SLC71A2: variants seen among roughly 807,000 people sequenced by gnomAD.
SLC71A2 encodes the protein solute carrier family 71 member 2.
chr9:94,398,379 C>T, the SLC71A2 span, among the ~76,000 whole-genome samples: 3 of 151,818 alleles, frequency 2.0e-5, no homozygotes, highest in Non-Finnish European at 4.4e-5. Context: ...ATCACCAGGC[C>T]AACTCAATAT....
chr9:94,404,716 T>G, the SLC71A2 span, among the ~76,000 whole-genome samples: 1 of 152,356 alleles, frequency 6.6e-6, no homozygotes, highest in South Asian at 2.1e-4. Context: ...TTGAAAAAGT[T>G]TATTATATAT....
the SLC71A2 span, among the ~76,000 whole-genome samples, chr9:94,452,722 T>C: frequency 1.2e-4 from 12 of 99,382 alleles, no homozygotes; most frequent in Non-Finnish European, 2.4e-4. Flanking sequence ...TTCATATATA[T>C]ATAATAGATA....
chr9:94,385,577 C>T, the SLC71A2 span, among the ~76,000 whole-genome samples: 2 of 152,030 alleles, frequency 1.3e-5, no homozygotes, highest in African/African-American at 4.8e-5. Context: ...CAGCTTTACT[C>T]TTTCACATGC....
chr9:94,440,498 C>G, the SLC71A2 span, among the ~76,000 whole-genome samples: 1 of 151,676 alleles, frequency 6.6e-6, no homozygotes, highest in African/African-American at 2.4e-5. Context: ...ACTTTTTGTT[C>G]TATAAGGTTT....
chr9:94,402,222 C>G, the SLC71A2 span, among the ~76,000 whole-genome samples: 1 of 152,196 alleles, frequency 6.6e-6, no homozygotes. Flanking sequence ...TTACCCAGCT[C>G]CTATTCAAGA....
the SLC71A2 span, among the ~76,000 whole-genome samples, chr9:94,412,291 G>C: frequency 1.3e-5 from 2 of 152,180 alleles, no homozygotes; most frequent in Admixed American, 6.5e-5. Flanking sequence ...TTATATGTTA[G>C]AGATAGTTGA....
At chr9:94,441,943 C>T in the SLC71A2 span, among the ~76,000 whole-genome samples, 1 of 152,166 alleles carries the variant, frequency 6.6e-6, no homozygotes, top group African/African-American at 2.4e-5. Context: ...AGGACTCTGC[C>T]AGTTACTTTC....
chr9:94,435,434 T>TA, the SLC71A2 span, among the ~76,000 whole-genome samples: 1 of 152,178 alleles, frequency 6.6e-6, no homozygotes, highest in East Asian at 1.9e-4. Flanking sequence ...ATTCAGCAGT[T>TA]ATGCCTTTTT....
chr9:94,451,719 C>T, the SLC71A2 span, among the ~76,000 whole-genome samples: 1 of 152,212 alleles, frequency 6.6e-6, no homozygotes, highest in African/African-American at 2.4e-5. Flanking sequence ...GAATGTGGTC[C>T]ACAGAACTAT....
the SLC71A2 span, among the ~76,000 whole-genome samples, chr9:94,407,372 T>A: frequency 6.6e-6 from 1 of 151,720 alleles, no homozygotes; most frequent in African/African-American, 2.4e-5. Context: ...AAAATTGGTC[T>A]GTAGTTTTCT....
the SLC71A2 span, among the ~76,000 whole-genome samples, chr9:94,382,965 T>G: frequency 2.0e-5 from 3 of 152,202 alleles, no homozygotes; most frequent in African/African-American, 4.8e-5. Flanking sequence ...AGTCTGGGAT[T>G]ACAGGCGTGA....
the SLC71A2 span, among the ~76,000 whole-genome samples, chr9:94,382,599 G>A: frequency 1.3e-5 from 2 of 151,672 alleles, no homozygotes; most frequent in Non-Finnish European, 2.9e-5. Flanking sequence ...TATAGATCAG[G>A]GTTTTGGTTT....
At chr9:94,385,650 A>C in the SLC71A2 span, among the ~76,000 whole-genome samples, 3 of 152,182 alleles carry the variant, frequency 2.0e-5, no homozygotes, top group African/African-American at 4.8e-5. Context: ...ACCCTTGCTC[A>C]AAATCAGTTG....
the SLC71A2 span, chr9:94,456,223 C>G: frequency 1.9e-6 from 3 of 1,603,298 alleles, no homozygotes; most frequent in African/African-American, 2.7e-5. Flanking sequence ...CTGACTGTGC[C>G]TGTCCTGTCA....
the SLC71A2 span, among the ~76,000 whole-genome samples, chr9:94,450,711 G>C: frequency 2.6e-5 from 4 of 152,052 alleles, no homozygotes; most frequent in African/African-American, 9.6e-5. Context: ...GGCTGGTCTC[G>C]AACTGCTGAC....
the SLC71A2 span, chr9:94,454,145 A>T: frequency 1.0e-6 from 1 of 999,812 alleles, no homozygotes; most frequent in Admixed American, 1.8e-5. Flanking sequence ...GTTGGGTGTG[A>T]TGAGAAGGAA....
the SLC71A2 span, among the ~76,000 whole-genome samples, chr9:94,439,229 T>C: frequency 6.6e-6 from 1 of 152,008 alleles, no homozygotes; most frequent in Non-Finnish European, 1.5e-5. Context: ...AGGCTTCCCT[T>C]GAACTGACTC....
the SLC71A2 span, among the ~76,000 whole-genome samples, chr9:94,392,236 T>G: frequency 6.6e-6 from 1 of 150,856 alleles, no homozygotes; most frequent in Non-Finnish European, 1.5e-5. Flanking sequence ...ACATTTCTGA[T>G]ATTTTGCTCT....
chr9:94,442,339 T>A, the SLC71A2 span, among the ~76,000 whole-genome samples: 1 of 152,200 alleles, frequency 6.6e-6, no homozygotes, highest in Admixed American at 6.5e-5. Context: ...ACTTTAGACA[T>A]CAGTAGTTTG....
Sources: allele counts gnomAD v4.1 joint callset (sites outside exome capture counted in the v4.1 genomes callset), GRCh38; gene constraint gnomAD v4.1.1; transcripts MANE v1.5; gene names NCBI Gene and HGNC (gene_info 2026-07-23, HGNC 2026-07-21).